OVOL3: variants seen among roughly 807,000 people sequenced by gnomAD.
OVOL3 encodes the protein putative transcription factor ovo-like protein 3.
A neutral mutation model predicts 13.6 loss-of-function variants in OVOL3; 15 were observed. The ratio of observed to expected loss-of-function variants is 1.11; its 90% confidence interval spans 0.74 to 1.70. The LOEUF (loss-of-function observed/expected upper bound fraction) is 1.70, where lower values mean the gene tolerates loss of function less well. Among genes scored for constraint, OVOL3 ranks in the 40% most tolerant of loss-of-function variants. OVOL3 has a pLI of 0.00. For synonymous variants in OVOL3, 102 were observed against 108.5 expected, an observed-to-expected ratio of 0.94 and a Z score of 0.37; for missense variants, 290 against 280.6, an observed-to-expected ratio of 1.03 and a Z score of -0.24.
In OVOL3 at chr19:36,113,672, C is replaced by T. The variant is rs927723092; in HGVS notation, c.*11C>T. ...CACCGCGCAGCCTGATACGGTGTGC[C>T]AGCGTCCTCCCCACGAGGCAAATAA... On this transcript the variant is annotated 3_prime_UTR_variant, in exon 4 of 4. Transcript: ENST00000633214. 13 of 1,550,528 alleles carry T rather than the reference C, an allele frequency of 8.4e-6. No individual in the cohort carries two copies. Among genetic ancestry groups the T allele is most frequent in the Non-Finnish European group, 8.7e-6 (10 of 1,146,196 alleles).
intron 2 of OVOL3, 177 bp downstream of exon 2, chr19:36,111,610 T>C: frequency 1.4e-6 from 1 of 739,680 alleles, no homozygotes; most frequent in Non-Finnish European, 2.4e-6. Flanking sequence ...TAGTGAGCTC[T>C]CTACTGTTAG....
Position 36,111,434 on chromosome 19 carries a change from G to C in OVOL3, c.159+1G>C. On this transcript the variant is annotated splice_donor_variant, in intron 2 of 3. Transcript: ENST00000633214. LOFTEE classifies it high-confidence loss of function. ...CAGTGTCAGGGATCCGTGGACAGCG[G>C]TGAGTGTGTAACTGGCTAGCAAAGC... 1 of 1,535,988 alleles carries C rather than the reference G, an allele frequency of 6.5e-7. No individual in the cohort carries two copies. The highest frequency in any genetic ancestry group is 8.7e-7 in the Non-Finnish European group (1 of 1,146,828).
intron 2 of OVOL3, 149 bp from the exon 3 acceptor site, chr19:36,112,611 G>A (rs1211141158): frequency 3.0e-6 from 2 of 675,198 alleles, no homozygotes; most frequent in African/African-American, 1.8e-5. Flanking sequence ...GCCCTGGAGA[G>A]TGACAGGCAC....
intron 2 of OVOL3, among the ~76,000 whole-genome samples, 192 bp from the exon 3 acceptor site, chr19:36,112,568 G>A (rs1973848841): frequency 6.6e-6 from 1 of 152,094 alleles, no homozygotes; most frequent in Non-Finnish European, 1.5e-5. Flanking sequence ...ACTTGGCATA[G>A]AGAAAGTAAG....
Position 36,111,537 on chromosome 19 carries a change from C to T in OVOL3, c.159+104C>T, listed in dbSNP as rs957199342. 6 of 1,196,046 alleles carry T rather than the reference C, an allele frequency of 5.0e-6. No homozygotes were observed. The African/African-American group carries it at 6.0e-5, about 12-fold the overall frequency. 74.1% of individuals were successfully genotyped at this position (1,196,046 alleles called of 1,614,324 possible). A position where few individuals can be genotyped will look rare whatever the true frequency, so the allele number is the denominator to read the frequency against. ...GCTCCCCCGACCCATCTGCACACGCCCTCCAGCCTCGGGACCTGTCCGCCC... is the reference window on the plus strand; with the variant it reads ...GCTCCCCCGACCCATCTGCACACGCTCTCCAGCCTCGGGACCTGTCCGCCC... On this transcript the variant is annotated intron_variant, in intron 2 of 3. Coordinates refer to ENST00000633214, the MANE Select transcript of OVOL3 (RefSeq NM_001302757.2).
intron 2 of OVOL3, 63 bp from the exon 3 acceptor site, chr19:36,112,697 G>T: frequency 1.3e-5 from 18 of 1,392,390 alleles, no homozygotes; most frequent in Non-Finnish European, 1.7e-5. Context: ...ATACTCATTT[G>T]CAGAGTAACA....
In OVOL3 at chr19:36,111,442, G is replaced by A. The variant is rs1188819995; in HGVS notation, c.159+9G>A. 5 of 1,535,750 alleles carry A rather than the reference G, an allele frequency of 3.3e-6. No individual in the cohort carries two copies. Among genetic ancestry groups the A allele is most frequent in the East Asian group, 4.9e-5 (2 of 40,924 alleles). On this transcript the variant is annotated intron_variant, in intron 2 of 3. Transcript: ENST00000633214. ...GGGATCCGTGGACAGCGGTGAGTGT[G>A]TAACTGGCTAGCAAAGCCAGCTGTT...
At chr19:36,113,014 G>A (rs1973861967) in intron 3 of OVOL3, 50 bp downstream of exon 3, 2 of 1,498,566 alleles carry the variant, frequency 1.3e-6, no homozygotes, top group Non-Finnish European at 1.8e-6. Flanking sequence ...AGGTGGGGAT[G>A]GAAGGAAATG....
chr19:36,113,359 A>C, intron 3 of OVOL3, 94 bp from the exon 4 acceptor site: 1 of 1,281,140 alleles, frequency 7.8e-7, no homozygotes, highest in South Asian at 1.3e-5. Context: ...TAGGTACCAG[A>C]AATGCTCAAC....
In OVOL3 at chr19:36,113,678, C is replaced by T. The variant is rs1459339359; in HGVS notation, c.*17C>T. 1 of 1,552,896 alleles carries T rather than the reference C, an allele frequency of 6.4e-7. No individual in the cohort carries two copies. The highest frequency in any genetic ancestry group is 2.0e-5 in the Admixed American group (1 of 51,210). On this transcript the variant is annotated 3_prime_UTR_variant, in exon 4 of 4. Coordinates refer to ENST00000633214, the MANE Select transcript of OVOL3 (RefSeq NM_001302757.2). ...GCAGCCTGATACGGTGTGCCAGCGTCCTCCCCACGAGGCAAATAAACACAG... is the reference window on the plus strand; with the variant it reads ...GCAGCCTGATACGGTGTGCCAGCGTTCTCCCCACGAGGCAAATAAACACAG...
At chr19:36,112,609 G>A in intron 2 of OVOL3, 151 bp from the exon 3 acceptor site, 1 of 666,070 alleles carries the variant, frequency 1.5e-6, no homozygotes, top group Non-Finnish European at 2.5e-6. Flanking sequence ...AGGCCCTGGA[G>A]AGTGACAGGC....
chr19:36,111,524 C>T (rs2145899815), intron 2 of OVOL3, 91 bp downstream of exon 2: 1 of 1,296,098 alleles, frequency 7.7e-7, no homozygotes, highest in South Asian at 1.3e-5. Context: ...TCCCCCGACC[C>T]ATCTGCACAC....
chr19:36,111,211 C>G lies in OVOL3; in HGVS notation c.9C>G (p.Arg3=). The change falls in exon 1 of 4, where the codon CGC becomes CGG. Residue 3 remains arginine, a synonymous_variant. Coordinates refer to ENST00000633214, the MANE Select transcript of OVOL3 (RefSeq NM_001302757.2). Reference sequence around the variant, plus strand: ...AGAGCCTTCCGGAGGGCATGCCCCGCGCCTTCCTGGTCAGGAGTCGGCGTC... The same window carrying G: ...AGAGCCTTCCGGAGGGCATGCCCCGGGCCTTCCTGGTCAGGAGTCGGCGTC... The part of the protein sequence containing the change: MP[R]AFLVRSRRPQ... 6.5e-7 allele frequency: 1 copy of G among 1,534,278 alleles called. No homozygotes were observed. Among genetic ancestry groups the G allele is most frequent in the Non-Finnish European group, 8.7e-7 (1 of 1,146,200 alleles).
intron 3 of OVOL3, 99 bp from the exon 4 acceptor site, chr19:36,113,354 A>C: frequency 1.6e-6 from 2 of 1,221,632 alleles, no homozygotes; most frequent in Non-Finnish European, 2.3e-6. Flanking sequence ...TGGAATAGGT[A>C]CCAGAAATGC....
At position 36,112,732 on chromosome 19, in the gene OVOL3, G is replaced by C. The variant is rs970442191; in HGVS notation, c.160-28G>C. 4.0e-6 allele frequency: 6 copies of C among 1,512,814 alleles called. No homozygotes were observed. In the African/African-American group the frequency reaches 6.9e-5, roughly 17 times the overall value. 93.7% of individuals were successfully genotyped at this position (1,512,814 alleles called of 1,614,324 possible). A position where few individuals can be genotyped will look rare whatever the true frequency, so the allele number is the denominator to read the frequency against. On this transcript the variant is annotated intron_variant, in intron 2 of 3. Coordinates refer to ENST00000633214, the MANE Select transcript of OVOL3 (RefSeq NM_001302757.2). ...AAAGGGTGGATGGGGTCCAGCCAGA[G>C]AGGCTAATAACTCCTGCATCCCTCC...
Position 36,111,440 on chromosome 19 carries a change from G to A in OVOL3, c.159+7G>A. ...CAGGGATCCGTGGACAGCGGTGAGTGTGTAACTGGCTAGCAAAGCCAGCTG... is the reference window on the plus strand; with the variant it reads ...CAGGGATCCGTGGACAGCGGTGAGTATGTAACTGGCTAGCAAAGCCAGCTG... On this transcript the variant is annotated splice_region_variant and intron_variant, in intron 2 of 3. Transcript: ENST00000633214. 6.5e-7 allele frequency: 1 copy of A among 1,535,808 alleles called. No individual in the cohort carries two copies. The highest frequency in any genetic ancestry group is 8.7e-7 in the Non-Finnish European group (1 of 1,146,724).
chr19:36,113,411 G>A (rs1277049033), intron 3 of OVOL3, 42 bp from the exon 4 acceptor site: 1 of 1,514,176 alleles, frequency 6.6e-7, no homozygotes, highest in Non-Finnish European at 8.9e-7. Flanking sequence ...AGAGCCCATT[G>A]CCCTCTCTGT....
At position 36,112,801 on chromosome 19, in the gene OVOL3, T is replaced by G. The variant is rs2072605; in HGVS notation, c.201T>G (p.Pro67=). Residue 67 remains proline, a synonymous_variant, in exon 3 of 4, where the codon CCT becomes CCG. Coordinates refer to ENST00000633214, the MANE Select transcript of OVOL3 (RefSeq NM_001302757.2). ...ACCTGACCTCTGCTCCCAGGGGCCC[T>G]GGGACGCTGGGCTGCCCGCTCTGCC... ...QGNLTSAPRG[P]GTLGCPLCPK... 8 of 1,534,954 alleles carry G rather than the reference T, an allele frequency of 5.2e-6. No individual in the cohort carries two copies. Among genetic ancestry groups the G allele is most frequent in the Admixed American group, 2.0e-5 (1 of 50,988 alleles).
intron 2 of OVOL3, among the ~76,000 whole-genome samples, chr19:36,112,513 CTG>C (rs1474020701): frequency 7.7e-6 from 1 of 129,520 alleles, no homozygotes; most frequent in East Asian, 2.6e-4. Flanking sequence ...GAGCAAGACT[CTG>C]TCTTTAAAAA....
Sources: gnomAD v4.1 joint callset for allele counts (sites outside exome capture counted in the v4.1 genomes callset) on GRCh38, gnomAD v4.1.1 for gene constraint, MANE v1.5 for transcripts, NCBI Gene and HGNC (gene_info 2026-07-23, HGNC 2026-07-21) for gene names.